FBXL13: variants seen among roughly 807,000 people sequenced by gnomAD.
The protein encoded by FBXL13 is F-box and leucine rich repeat protein 13, also known as F-box and leucine-rich repeat protein 13.
Under a neutral mutation model 83.6 loss-of-function variants are expected in FBXL13, and 67 were observed. The observed-to-expected ratio is 0.80, with a 90% CI of 0.66 to 0.98. FBXL13 has a LOEUF of 0.98. Ranked by LOEUF, FBXL13 falls within the 50% of genes least tolerant of loss-of-function variation. The pLI, the probability that FBXL13 is intolerant of heterozygous loss-of-function variation, is 0.00. For synonymous variants in FBXL13, 272 were observed against 299.5 expected (o/e 0.91, Z 0.95); for missense variants, 822 against 866.5 (o/e 0.95, Z 0.64).
At chr7:103,050,740 AG>A (rs766375598) in intron 2 of FBXL13, among the ~76,000 whole-genome samples, 5 of 152,220 alleles carry the variant, frequency 3.3e-5, no homozygotes, top group African/African-American at 7.2e-5. Context: ...TCAGTAGTGA[AG>A]GCATCTTTTC....
chr7:103,016,337 T>A (rs1399704300), intron 6 of FBXL13, among the ~76,000 whole-genome samples: 1 of 150,544 alleles, frequency 6.6e-6, no homozygotes, highest in Non-Finnish European at 1.5e-5. Context: ...GGGGGGAGGT[T>A]CCAAGATGGC....
At chr7:102,989,059 G>T (rs1829292677) in intron 6 of FBXL13, among the ~76,000 whole-genome samples, 1 of 152,200 alleles carries the variant, frequency 6.6e-6, no homozygotes, top group Non-Finnish European at 1.5e-5. Flanking sequence ...AGAATTCTTA[G>T]AAGACAGCAG....
intron 11 of FBXL13, among the ~76,000 whole-genome samples, chr7:102,910,839 G>C (rs1324670708): frequency 1.3e-5 from 2 of 152,180 alleles, no homozygotes; most frequent in Non-Finnish European, 2.9e-5. Context: ...GCTCGCTGCA[G>C]CCTCAATCTC....
At chr7:102,938,829 C>A (rs1820830303) in intron 8 of FBXL13, among the ~76,000 whole-genome samples, 1 of 152,220 alleles carries the variant, frequency 6.6e-6, no homozygotes, top group Non-Finnish European at 1.5e-5. Flanking sequence ...CTAAGCCACA[C>A]TAGGAAAGCC....
At chr7:103,005,897 T>C (rs760855565) in intron 6 of FBXL13, among the ~76,000 whole-genome samples, 2 of 151,990 alleles carry the variant, frequency 1.3e-5, no homozygotes, top group Non-Finnish European at 2.9e-5. Flanking sequence ...AGTCAGAAAC[T>C]ATTATGGCTA....
Position 102,925,874 on chromosome 7 carries a change from T to G in FBXL13, c.878+400A>C, listed in dbSNP as rs147137887. 3.8e-3 allele frequency among the ~76,000 whole-genome samples: 563 copies of G among 147,040 alleles called. 5 individuals carry two copies. Among genetic ancestry groups the G allele is most frequent in the African/African-American group, 0.014 (556 of 39,484 alleles). On this transcript the variant is annotated intron_variant, in intron 10 of 19. Coordinates refer to ENST00000313221, the Ensembl canonical transcript of FBXL13. ...GAGAATCGCTTGGACCCGGGAGGCG[T>G]AGGTTGCCATGAGCTAAGATCATGC...
intron 8 of FBXL13, among the ~76,000 whole-genome samples, chr7:102,935,423 T>G (rs1820136381): frequency 6.6e-6 from 1 of 151,968 alleles, no homozygotes; most frequent in Non-Finnish European, 1.5e-5. Context: ...ATATCTTAAT[T>G]ATTTCCAAAT....
intron 10 of FBXL13, among the ~76,000 whole-genome samples, chr7:102,921,959 G>A (rs1817117239): frequency 2.0e-5 from 3 of 151,616 alleles, no homozygotes; most frequent in Admixed American, 2.0e-4. Flanking sequence ...GGGAGGCCAA[G>A]GTGGGTGGAT....
At chr7:103,021,338 T>A (rs1232091055) in intron 6 of FBXL13, among the ~76,000 whole-genome samples, 1 of 152,150 alleles carries the variant, frequency 6.6e-6, no homozygotes, top group East Asian at 1.9e-4. Flanking sequence ...TAATTCAAGA[T>A]GAATTAAAGA....
At chr7:103,025,148 G>T in exon 6 of FBXL13, 3 of 1,612,064 alleles carry the variant, frequency 1.9e-6, no homozygotes, top group Non-Finnish European at 1.7e-6. Flanking sequence ...ACTTCGTTCA[G>T]GAAAATTGGA....
chr7:102,889,337 C>G (rs1261560851), intron 11 of FBXL13, among the ~76,000 whole-genome samples: 1 of 152,194 alleles, frequency 6.6e-6, no homozygotes, highest in Non-Finnish European at 1.5e-5. Context: ...ATGGCAGAGC[C>G]AGGGCTAGAG....
At chr7:102,870,508 T>C (rs1489858550) in intron 16 of FBXL13, among the ~76,000 whole-genome samples, 2 of 152,222 alleles carry the variant, frequency 1.3e-5, no homozygotes, top group Non-Finnish European at 2.9e-5. Context: ...TGCTTTTTTG[T>C]CATTATCATC....
intron 6 of FBXL13, among the ~76,000 whole-genome samples, chr7:103,017,772 G>GA (rs202028326): frequency 6.6e-6 from 1 of 151,614 alleles, no homozygotes; most frequent in African/African-American, 2.4e-5. Flanking sequence ...CAAGTTTAGA[G>GA]AAAAAAAAGA....
chr7:102,828,065 G>T (rs1800051294), intron 18 of FBXL13, among the ~76,000 whole-genome samples: 1 of 152,124 alleles, frequency 6.6e-6, no homozygotes, highest in African/African-American at 2.4e-5. Context: ...TGGCAATGCG[G>T]GCTCTTTTTT....
chr7:102,950,407 T>G (rs917625894), intron 8 of FBXL13, among the ~76,000 whole-genome samples: 4 of 152,190 alleles, frequency 2.6e-5, no homozygotes, highest in African/African-American at 9.7e-5. Context: ...TCATTGCTGA[T>G]GAGAATGCAG....
chr7:103,037,647 GAAAAAA>G (rs1191835783), intron 2 of FBXL13, among the ~76,000 whole-genome samples: 1 of 150,494 alleles, frequency 6.6e-6, no homozygotes. Flanking sequence ...TGTACCAAAG[GAAAAAA>G]AAATTAGCCA....
At chr7:103,023,075 G>T (rs957176104) in intron 6 of FBXL13, among the ~76,000 whole-genome samples, 8 of 152,080 alleles carry the variant, frequency 5.3e-5, no homozygotes, top group Admixed American at 5.2e-4. Flanking sequence ...AGGAGATCGA[G>T]ACCATCCTGG....
intron 6 of FBXL13, among the ~76,000 whole-genome samples, chr7:103,015,372 A>T (rs1406740980): frequency 6.6e-6 from 1 of 152,192 alleles, no homozygotes; most frequent in Non-Finnish European, 1.5e-5. Flanking sequence ...GAAATAAAAG[A>T]TGCTCAAAGG....
intron 6 of FBXL13, among the ~76,000 whole-genome samples, chr7:103,006,529 C>A (rs1404724411): frequency 6.6e-6 from 1 of 152,032 alleles, no homozygotes; most frequent in East Asian, 1.9e-4. Flanking sequence ...GATAAACTAA[C>A]CTTAGTGTGA....
Sources: allele counts gnomAD v4.1 joint callset (sites outside exome capture counted in the v4.1 genomes callset), GRCh38; gene constraint gnomAD v4.1.1; transcripts MANE v1.5; gene names NCBI Gene and HGNC (gene_info 2026-07-23, HGNC 2026-07-21).